FSTL4: variants seen among roughly 807,000 people sequenced by gnomAD.
FSTL4 encodes follistatin like 4, also known as follistatin-related protein 4.
FSTL4 carries 28 observed loss-of-function variants against 78.2 expected under a neutral mutation model. That is an observed-to-expected ratio of 0.36 (90% CI 0.27 to 0.49). The LOEUF (loss-of-function observed/expected upper bound fraction) is 0.49, where lower values mean the gene tolerates loss of function less well. Ranked by LOEUF, FSTL4 falls within the 20% of genes least tolerant of loss-of-function variation. FSTL4 has a pLI of 0.98. For missense variants in FSTL4, 922 were observed against 1,084.9 expected (o/e 0.85, Z 2.11); for synonymous variants, 422 against 440.5 (o/e 0.96, Z 0.53).
At chr5:133,234,260 C>G (rs1200445059) in intron 7 of FSTL4, among the ~76,000 whole-genome samples, 1 of 152,182 alleles carries the variant, frequency 6.6e-6, no homozygotes, top group Non-Finnish European at 1.5e-5. Flanking sequence ...AACAAAAAAA[C>G]CAGGGCAGGA....
chr5:133,249,615 C>T (rs376249427), intron 6 of FSTL4, 39 bp from the exon 7 acceptor site: 2 of 1,565,886 alleles, frequency 1.3e-6, no homozygotes, highest in African/African-American at 2.7e-5. Context: ...AGGTGCAGGC[C>T]CAGGGATTGG....
At chr5:133,599,970 T>C (rs1045895071) in intron 2 of FSTL4, among the ~76,000 whole-genome samples, 1 of 152,210 alleles carries the variant, frequency 6.6e-6, no homozygotes, top group Non-Finnish European at 1.5e-5. Flanking sequence ...CCTTCCTGGT[T>C]CCTTGGTTCC....
intron 6 of FSTL4, among the ~76,000 whole-genome samples, chr5:133,254,741 A>G (rs1489153500): frequency 2.0e-5 from 3 of 152,184 alleles, no homozygotes; most frequent in Non-Finnish European, 4.4e-5. Flanking sequence ...TTCTCTGGAG[A>G]GTGATGGGGG....
At chr5:133,507,375 G>T (rs2112883743) in intron 3 of FSTL4, among the ~76,000 whole-genome samples, 1 of 152,254 alleles carries the variant, frequency 6.6e-6, no homozygotes, top group South Asian at 2.1e-4. Context: ...TCTGCAGACG[G>T]ATCAGAAAGA....
At chr5:133,445,668 T>C (rs1428631118) in intron 3 of FSTL4, among the ~76,000 whole-genome samples, 1 of 151,984 alleles carries the variant, frequency 6.6e-6, no homozygotes, top group East Asian at 1.9e-4. Context: ...TAGCTGGGAG[T>C]ATGCCAGGAG....
Position 133,504,157 on chromosome 5 carries a change from G to A in FSTL4, c.160+63029C>T, listed in dbSNP as rs144670631. On this transcript the variant is annotated intron_variant, in intron 3 of 15. Transcript: ENST00000265342. ...GAACTACAATTCAAGATGAGATTTG[G>A]GTGGGAACACAGCCAAACCGTATCA... Among the ~76,000 whole-genome samples the A allele has an allele frequency of 2.7e-3, 410 of 152,108 alleles. 6 individuals are homozygous for A. The highest frequency in any genetic ancestry group is 9.5e-3 in the African/African-American group (396 of 41,492).
the FSTL4 span, among the ~76,000 whole-genome samples, chr5:133,741,542 G>A: frequency 6.6e-6 from 1 of 152,244 alleles, no homozygotes; most frequent in Admixed American, 6.5e-5. Context: ...ACCCATAGCA[G>A]CCAGGGAATG....
intron 3 of FSTL4, among the ~76,000 whole-genome samples, chr5:133,563,072 C>G (rs1647720671): frequency 6.6e-6 from 1 of 152,200 alleles, no homozygotes; most frequent in African/African-American, 2.4e-5. Flanking sequence ...GCAGCCATCA[C>G]TCTTTCCCAT....
the FSTL4 span, among the ~76,000 whole-genome samples, chr5:133,635,052 G>T: frequency 2.7e-5 from 4 of 150,108 alleles, no homozygotes. Flanking sequence ...GCATTTTATT[G>T]ATCTCTTGCC....
chr5:133,372,269 G>GTATGTATGTATGTATGTATCTATC (rs143392836), intron 4 of FSTL4, among the ~76,000 whole-genome samples: 2 of 142,926 alleles, frequency 1.4e-5, no homozygotes, highest in African/African-American at 2.6e-5. Flanking sequence ...ATGTATGTAT[G>GTATGTATGTATGTATGTATCTATC]TATCTATCTA....
chr5:133,231,193 A>C (rs1270232651), intron 8 of FSTL4, among the ~76,000 whole-genome samples: 3 of 151,468 alleles, frequency 2.0e-5, no homozygotes, highest in Non-Finnish European at 2.9e-5. Context: ...AAAAAAAAAA[A>C]CCCTTCTCTT....
chr5:133,748,768 C>T, the FSTL4 span, among the ~76,000 whole-genome samples: 1 of 152,134 alleles, frequency 6.6e-6, no homozygotes, highest in Non-Finnish European at 1.5e-5. Context: ...GTGACTTGAC[C>T]CAGTCAGGCC....
the FSTL4 span, among the ~76,000 whole-genome samples, chr5:133,719,027 C>A: frequency 6.6e-6 from 1 of 152,134 alleles, no homozygotes; most frequent in East Asian, 1.9e-4. Flanking sequence ...GGGGGGAAAA[C>A]CTGGATGACT....
At chr5:133,482,530 C>G (rs1396734129) in intron 3 of FSTL4, among the ~76,000 whole-genome samples, 2 of 152,230 alleles carry the variant, frequency 1.3e-5, no homozygotes, top group African/African-American at 2.4e-5. Flanking sequence ...GAGGCTGACC[C>G]CTCACCTTGC....
intron 3 of FSTL4, among the ~76,000 whole-genome samples, chr5:133,513,295 T>G (rs1329776654): frequency 6.6e-6 from 1 of 152,252 alleles, no homozygotes; most frequent in African/African-American, 2.4e-5. Context: ...GAATTGTTTC[T>G]TTTTACAAAT....
the FSTL4 span, among the ~76,000 whole-genome samples, chr5:133,671,076 C>T: frequency 6.6e-6 from 1 of 152,142 alleles, no homozygotes; most frequent in South Asian, 2.1e-4. Context: ...TGGTTTCCTG[C>T]CTGCTCCATG....
the FSTL4 span, among the ~76,000 whole-genome samples, chr5:133,737,945 G>A: frequency 9.2e-5 from 14 of 152,116 alleles, no homozygotes; most frequent in Non-Finnish European, 1.5e-4. Context: ...ATGAACATGG[G>A]GATTTTACTG....
chr5:133,296,740 T>C (rs1232948662), intron 6 of FSTL4, among the ~76,000 whole-genome samples: 2 of 152,216 alleles, frequency 1.3e-5, no homozygotes, highest in Non-Finnish European at 2.9e-5. Context: ...CTACCCACGT[T>C]GTAATCTACG....
chr5:133,778,496 T>A, the FSTL4 span, among the ~76,000 whole-genome samples: 1 of 152,218 alleles, frequency 6.6e-6, no homozygotes, highest in Non-Finnish European at 1.5e-5. Context: ...GGACTCCAAC[T>A]CAACCCAATT....
Sources: gnomAD v4.1 joint callset for allele counts (sites outside exome capture counted in the v4.1 genomes callset) on GRCh38, gnomAD v4.1.1 for gene constraint, MANE v1.5 for transcripts, NCBI Gene and HGNC (gene_info 2026-07-23, HGNC 2026-07-21) for gene names.